Variants in HSF5 observed in about 807,000 individuals in gnomAD.
The protein encoded by HSF5 is heat shock transcription factor 5.
In HSF5, 5 loss-of-function variants were observed where a neutral mutation model predicts 50.8. That is an observed-to-expected ratio of 0.10 (90% confidence interval 0.05 to 0.21). The LOEUF is 0.21. HSF5 is among the 10% of genes least tolerant of loss of function. HSF5 has a pLI of 1.00. For missense variants in HSF5, 564 were observed against 762.6 expected, an observed-to-expected ratio of 0.74 and a Z score of 3.07; for synonymous variants, 307 against 307.4, an observed-to-expected ratio of 1.00 and a Z score of 0.02.
chr17:58,453,855 G>A (rs1046129529), intron 5 of HSF5, among the ~76,000 whole-genome samples: 8 of 151,884 alleles, frequency 5.3e-5, no homozygotes, highest in Non-Finnish European at 1.2e-4. Context: ...TTGGGAGGCC[G>A]AGGTGGGCAG....
chr17:58,453,931 C>T (rs1480498477), intron 5 of HSF5, among the ~76,000 whole-genome samples: 1 of 151,614 alleles, frequency 6.6e-6, no homozygotes, highest in African/African-American at 2.4e-5. Context: ...TCTTCTAAAA[C>T]ACAAGAAAAA....
intron 5 of HSF5, among the ~76,000 whole-genome samples, chr17:58,454,827 G>A (rs943881110): frequency 6.6e-6 from 1 of 152,068 alleles, no homozygotes; most frequent in East Asian, 1.9e-4. Flanking sequence ...ATGTTGAAGA[G>A]GTCACAAATA....
chr17:58,439,950 T>C (rs1321334931), intron 5 of HSF5, among the ~76,000 whole-genome samples: 3 of 145,914 alleles, frequency 2.1e-5, no homozygotes, highest in African/African-American at 5.1e-5. Context: ...AAAGAAAAAA[T>C]AGGAAAAATG....
chr17:58,466,845 C>T, intron 3 of HSF5, 40 bp downstream of exon 3: 1 of 1,247,828 alleles, frequency 8.0e-7, no homozygotes, highest in Non-Finnish European at 1.2e-6. Context: ...TAAAATTGCA[C>T]ATAAAGCGCG....
chr17:58,433,101 C>G (rs1433763593), intron 5 of HSF5, among the ~76,000 whole-genome samples: 3 of 152,198 alleles, frequency 2.0e-5, no homozygotes, highest in Non-Finnish European at 4.4e-5. Context: ...ACAACCTCTG[C>G]CTCCCAGGCT....
chr17:58,466,745 A>T, intron 3 of HSF5, 140 bp downstream of exon 3: 1 of 613,842 alleles, frequency 1.6e-6, no homozygotes. Flanking sequence ...TTTTTTTTTT[A>T]AGAATTGAGA....
intron 5 of HSF5, among the ~76,000 whole-genome samples, chr17:58,451,190 T>C (rs900500987): frequency 5.9e-5 from 9 of 152,294 alleles, no homozygotes; most frequent in African/African-American, 1.9e-4. Context: ...AAATATATAA[T>C]GCAAATATTA....
At chr17:58,436,957 T>A (rs907705989) in intron 5 of HSF5, among the ~76,000 whole-genome samples, 1 of 152,168 alleles carries the variant, frequency 6.6e-6, no homozygotes, top group African/African-American at 2.4e-5. Context: ...GTAAAGTGAC[T>A]GGGGGCCTTT....
intron 5 of HSF5, among the ~76,000 whole-genome samples, chr17:58,439,635 C>T (rs1974473824): frequency 6.6e-6 from 1 of 152,132 alleles, no homozygotes; most frequent in Admixed American, 6.5e-5. Context: ...CAAGCATGCG[C>T]CACCATGCCC....
intron 5 of HSF5, among the ~76,000 whole-genome samples, chr17:58,456,344 T>C (rs1567911886): frequency 6.6e-6 from 1 of 152,054 alleles, no homozygotes; most frequent in Non-Finnish European, 1.5e-5. Context: ...ATCTTACTCA[T>C]ATATGGAAGC....
At chr17:58,428,311 TA>T (rs1974320082) in intron 5 of HSF5, among the ~76,000 whole-genome samples, 1 of 152,126 alleles carries the variant, frequency 6.6e-6, no homozygotes, top group Non-Finnish European at 1.5e-5. Flanking sequence ...AAAGAAGATA[TA>T]AAAATGGCAA....
rs1316587506 is a variant in HSF5, at chr17:58,438,213, A to G, written c.1721-15783T>C. ...TACTGTACCATTTCTATGCTTAGCTATGTTTAGATACACAAATACCACTGT... is the reference window on the plus strand; with the variant it reads ...TACTGTACCATTTCTATGCTTAGCTGTGTTTAGATACACAAATACCACTGT... On this transcript the variant is annotated intron_variant, in intron 5 of 5. Coordinates refer to ENST00000323777, the MANE Select transcript of HSF5 (RefSeq NM_001080439.3). Among the ~76,000 whole-genome samples the G allele has an allele frequency of 2.0e-5, 3 of 152,292 alleles. No individual in the cohort carries two copies. The East Asian group carries it at 5.8e-4, about 29-fold the overall frequency.
chr17:58,470,902 G>A (rs992853203), intron 2 of HSF5, among the ~76,000 whole-genome samples: 1 of 152,062 alleles, frequency 6.6e-6, no homozygotes, highest in Non-Finnish European at 1.5e-5. Flanking sequence ...CTCCAGCCTG[G>A]GTGACAGAGT....
rs1049813199 is a variant in HSF5, at chr17:58,463,576, C to G, written c.1021-273G>C. Among the ~76,000 whole-genome samples the G allele has an allele frequency of 3.3e-5, 5 of 152,158 alleles. No individual in the cohort carries two copies. The East Asian group carries it at 9.6e-4, about 29-fold the overall frequency. ...AGGTTAAACTGTACAAAATCAAAAG[C>G]TATAGTACCCAAATACCTATTTGCT... On this transcript the variant is annotated intron_variant, in intron 3 of 5. Coordinates refer to ENST00000323777, the MANE Select transcript of HSF5 (RefSeq NM_001080439.3).
intron 4 of HSF5, 88 bp from the exon 5 acceptor site, chr17:58,459,033 G>T: frequency 8.6e-7 from 1 of 1,165,270 alleles, no homozygotes; most frequent in Non-Finnish European, 1.2e-6. Flanking sequence ...TTCTATTATG[G>T]GAACATGATC....
chr17:58,461,167 T>A (rs1012024419), intron 4 of HSF5, among the ~76,000 whole-genome samples: 6 of 151,774 alleles, frequency 4.0e-5, no homozygotes, highest in Middle Eastern at 6.8e-3. Context: ...TGAGCCAAGA[T>A]TGCGCTACTG....
At chr17:58,485,342 A>G (rs1975155114) in intron 1 of HSF5, among the ~76,000 whole-genome samples, 1 of 152,180 alleles carries the variant, frequency 6.6e-6, no homozygotes, top group Non-Finnish European at 1.5e-5. Flanking sequence ...ATGAATGATT[A>G]CACCCTGTTG....
chr17:58,425,575 CAAAAAAAAAA>C (rs66502039), intron 5 of HSF5, among the ~76,000 whole-genome samples: 447 of 32,990 alleles, frequency 0.014, 2 homozygotes, highest in African/African-American at 0.063. Context: ...ACCTCTATCT[CAAAAAAAAAA>C]AAAAAAAAAA....
intron 2 of HSF5, 88 bp downstream of exon 2, chr17:58,479,805 C>T: frequency 8.5e-7 from 1 of 1,180,394 alleles, no homozygotes; most frequent in South Asian, 1.6e-5. Flanking sequence ...TGTTAAAGCA[C>T]ATAGACATTA....
Sources: gnomAD v4.1 joint callset for allele counts (sites outside exome capture counted in the v4.1 genomes callset) on GRCh38, gnomAD v4.1.1 for gene constraint, MANE v1.5 for transcripts, NCBI Gene and HGNC (gene_info 2026-07-23, HGNC 2026-07-21) for gene names.